The following MMS22L variants were observed in gnomAD, a reference collection of about 807,000 sequenced individuals.
MMS22L encodes the protein MMS22 like, DNA repair protein, also known as protein MMS22-like.
A neutral mutation model predicts 159.1 loss-of-function variants in MMS22L; 74 were observed. That is an observed-to-expected ratio of 0.47 (90% CI 0.39 to 0.56). The LOEUF (loss-of-function observed/expected upper bound fraction) is 0.56. MMS22L is among the 20% of genes least tolerant of loss of function. The probability of loss-of-function intolerance (pLI) is 0.00; values close to 1 mark genes in which losing one functional copy is unlikely to be tolerated. For synonymous variants in MMS22L, 517 were observed against 506.9 expected (o/e 1.02, Z -0.27); for missense variants, 1,351 against 1,422.1 (o/e 0.95, Z 0.80).
At chr6:97,202,079 A>T (rs141275978) in intron 14 of MMS22L, among the ~76,000 whole-genome samples, 1 of 152,190 alleles carries the variant, frequency 6.6e-6, no homozygotes, top group Non-Finnish European at 1.5e-5. Flanking sequence ...TATTCTTCTT[A>T]TAACAACATA....
rs566998333 is a variant in MMS22L, at chr6:97,153,529, G to A, written c.3386-1662C>T. Reference sequence around the variant, plus strand: ...TGGGATTACAAGTGCATGCCACCACGCCCGGCTAATTTTGTATTTTTAGAA... The same window carrying A: ...TGGGATTACAAGTGCATGCCACCACACCCGGCTAATTTTGTATTTTTAGAA... On this transcript the variant is annotated intron_variant, in intron 22 of 24. Transcript: ENST00000683635. Among the ~76,000 whole-genome samples the A allele has an allele frequency of 2.4e-3, 358 of 151,806 alleles. 2 individuals carry two copies. Among genetic ancestry groups the A allele is most frequent in the Non-Finnish European group, 3.5e-3 (237 of 67,922 alleles).
chr6:97,268,116 T>G, intron 7 of MMS22L, 114 bp from the exon 8 acceptor site: 1 of 732,276 alleles, frequency 1.4e-6, no homozygotes, highest in South Asian at 3.2e-5. Flanking sequence ...TTTTAATTTT[T>G]TTTTGCAAAT....
At chr6:97,225,239 T>G (rs1338877399) in intron 14 of MMS22L, among the ~76,000 whole-genome samples, 1 of 152,208 alleles carries the variant, frequency 6.6e-6, no homozygotes, top group Admixed American at 6.5e-5. Flanking sequence ...GAATGTGAAA[T>G]AGAGAAAAGA....
intron 15 of MMS22L, among the ~76,000 whole-genome samples, chr6:97,184,344 T>C (rs185744938): frequency 6.6e-6 from 1 of 152,270 alleles, no homozygotes; most frequent in East Asian, 1.9e-4. Flanking sequence ...ACTTGCTCTA[T>C]GGGTGATCTC....
intron 6 of MMS22L, chr6:97,271,355 C>T (rs1468748447): frequency 2.0e-5 from 3 of 151,956 alleles, no homozygotes; most frequent in Non-Finnish European, 4.4e-5. Context: ...GTTTGAGGAC[C>T]CCAGTGCACA....
rs371339109 is a variant in MMS22L at position 97,149,955 on chromosome 6, G to T, written c.3548C>A (p.Ala1183Glu). ...YQVYSILETVATLDQQVVIHL... is the reference protein window; with the variant it reads ...YQVYSILETVETLDQQVVIHL... ...GATGACAACCTGCTGGTCCAATGTT[G>T]CTACTGTTTCTAAAATGCTGTAAAC... is the stretch of plus-strand genomic sequence containing the variant. The change falls in exon 24 of 25, where the codon GCA (alanine) becomes GAA (glutamate). Residue 1183 changes from alanine to glutamate, a missense_variant. Physicochemically the swap from Ala to Glu is moderately radical, Grantham distance 107 (BLOSUM62 -1). Transcript: ENST00000683635. 6.2e-7 allele frequency: 1 copy of T among 1,613,466 alleles called. No homozygotes were observed.
intron 24 of MMS22L, 37 bp from the exon 25 acceptor site, chr6:97,146,924 A>C (rs992588956): frequency 7.5e-7 from 1 of 1,329,562 alleles, no homozygotes; most frequent in African/African-American, 1.5e-5. Context: ...AAATATATTA[A>C]CATTTTCATT....
chr6:97,210,919 G>A (rs757152618), intron 14 of MMS22L, among the ~76,000 whole-genome samples: 1 of 151,868 alleles, frequency 6.6e-6, no homozygotes, highest in Non-Finnish European at 1.5e-5. Context: ...TCCATATTTT[G>A]TATCAAATTA....
chr6:97,200,849 T>C (rs917423001), intron 14 of MMS22L, among the ~76,000 whole-genome samples: 3 of 151,678 alleles, frequency 2.0e-5, no homozygotes, highest in Admixed American at 2.0e-4. Flanking sequence ...TAACTAGAAA[T>C]TGGAAAAAAA....
intron 14 of MMS22L, among the ~76,000 whole-genome samples, chr6:97,205,386 C>G (rs1807673878): frequency 6.6e-6 from 1 of 152,024 alleles, no homozygotes; most frequent in Admixed American, 6.6e-5. Flanking sequence ...TAAAAAATAT[C>G]CTAAGTTCTA....
intron 14 of MMS22L, among the ~76,000 whole-genome samples, chr6:97,224,573 A>C (rs1378838550): frequency 6.6e-6 from 1 of 151,760 alleles, no homozygotes; most frequent in African/African-American, 2.4e-5. Context: ...AAAAAAAAAA[A>C]AACTTACAAA....
chr6:97,152,628 C>T (rs922642072), intron 22 of MMS22L, among the ~76,000 whole-genome samples: 1 of 151,910 alleles, frequency 6.6e-6, no homozygotes, highest in African/African-American at 2.4e-5. Flanking sequence ...ATAGCAGGAG[C>T]ACAAAATATA....
At chr6:97,250,042 A>G (rs1011377983) in intron 10 of MMS22L, among the ~76,000 whole-genome samples, 1 of 152,202 alleles carries the variant, frequency 6.6e-6, no homozygotes, top group Non-Finnish European at 1.5e-5. Flanking sequence ...GAAAAGAATG[A>G]CAACTATGTC....
chr6:97,269,079 T>C lies in MMS22L; in HGVS notation c.697+823A>G, dbSNP rs992514668. On this transcript the variant is annotated intron_variant, in intron 7 of 24. Coordinates refer to ENST00000683635, the MANE Select transcript of MMS22L (RefSeq NM_001350599.2). ...GGATAAAAGATATTTATCCATAATA[T>C]GTATAAACTCCTACTAAAAAAAGAG... Among the ~76,000 whole-genome samples, 8 of 152,006 alleles carry C rather than the reference T, an allele frequency of 5.3e-5. No homozygotes were observed. The East Asian group carries it at 7.7e-4, about 15-fold the overall frequency.
chr6:97,256,718 A>T (rs563115497), intron 9 of MMS22L, among the ~76,000 whole-genome samples: 1 of 152,264 alleles, frequency 6.6e-6, no homozygotes, highest in East Asian at 1.9e-4. Flanking sequence ...TGGGAGGGCA[A>T]GGCAGAAGGA....
At chr6:97,279,547 G>A (rs1816561267) in intron 3 of MMS22L, among the ~76,000 whole-genome samples, 1 of 151,694 alleles carries the variant, frequency 6.6e-6, no homozygotes, top group South Asian at 2.1e-4. Flanking sequence ...CACTTTGGGA[G>A]GCCAAGGCAG....
At chr6:97,231,043 G>T (rs1358140480) in intron 13 of MMS22L, 4 of 168,902 alleles carry the variant, frequency 2.4e-5, no homozygotes, top group African/African-American at 4.8e-5. Flanking sequence ...AAAAGAGACA[G>T]AGAAAACAAT....
intron 14 of MMS22L, among the ~76,000 whole-genome samples, chr6:97,210,394 C>T (rs9398363): frequency 0.04 from 6,110 of 151,888 alleles, 253 homozygotes; most frequent in East Asian, 0.22. Flanking sequence ...AGAAAGGATT[C>T]TCTAACTTCA....
At chr6:97,179,706 G>T in intron 16 of MMS22L, 147 bp from the exon 17 acceptor site, 1 of 552,152 alleles carries the variant, frequency 1.8e-6, no homozygotes, top group Non-Finnish European at 2.9e-6. Context: ...GGCATGCATT[G>T]TTGAAAATGA....
Sources: gnomAD v4.1 joint callset for allele counts (sites outside exome capture counted in the v4.1 genomes callset) on GRCh38, gnomAD v4.1.1 for gene constraint, MANE v1.5 for transcripts, NCBI Gene and HGNC (gene_info 2026-07-23, HGNC 2026-07-21) for gene names.